Variants in EFCAB7 observed in about 807,000 individuals in gnomAD.
EFCAB7 encodes the protein EF-hand calcium binding domain 7.
In EFCAB7, 66 loss-of-function variants were observed where a neutral mutation model predicts 77.1. The ratio of observed to expected loss-of-function variants is 0.86; its 90% CI spans 0.70 to 1.05. The LOEUF is 1.05. Among genes scored for constraint, EFCAB7 ranks in the 50% least tolerant of loss-of-function variants. The pLI, the probability that EFCAB7 is intolerant of heterozygous loss-of-function variation, is 0.00. For missense variants in EFCAB7, 638 were observed against 730.5 expected, an observed-to-expected ratio of 0.87 and a Z score of 1.46; for synonymous variants, 225 against 243.3, an observed-to-expected ratio of 0.92 and a Z score of 0.70.
At chr1:63,537,591 A>C (rs938673328) in intron 6 of EFCAB7, among the ~76,000 whole-genome samples, 4 of 152,152 alleles carry the variant, frequency 2.6e-5, no homozygotes, top group Admixed American at 1.3e-4. Context: ...CACATTTTCA[A>C]AATGTTGATC....
intron 2 of EFCAB7, among the ~76,000 whole-genome samples, chr1:63,526,063 C>T (rs562669029): frequency 1.3e-5 from 2 of 152,118 alleles, no homozygotes; most frequent in South Asian, 2.1e-4. Context: ...AAAATTAAAA[C>T]GCTTTTGGCC....
chr1:63,578,176 G>A, the EFCAB7 span, among the ~76,000 whole-genome samples: 43 of 152,192 alleles, frequency 2.8e-4, no homozygotes, highest in Admixed American at 9.2e-4. Context: ...AGAGATAGGA[G>A]GGATTTAGAA....
chr1:63,557,000 T>C (rs1458006534), intron 9 of EFCAB7, 114 bp from the exon 10 acceptor site: 3 of 815,304 alleles, frequency 3.7e-6, no homozygotes, highest in Admixed American at 6.5e-5. Flanking sequence ...ATCACGCCAC[T>C]GCACTCCAGC....
chr1:63,546,811 TTGTC>T (rs1458611034), intron 7 of EFCAB7, among the ~76,000 whole-genome samples: 60 of 152,340 alleles, frequency 3.9e-4, no homozygotes, highest in Middle Eastern at 3.4e-3. Context: ...TCAAAACCCT[TTGTC>T]TGTGACTTAG....
the EFCAB7 span, among the ~76,000 whole-genome samples, chr1:63,582,496 C>A: frequency 2.4e-4 from 36 of 152,316 alleles, no homozygotes; most frequent in East Asian, 6.9e-3. Flanking sequence ...CTTTTCATCT[C>A]ATATTGGAAA....
the EFCAB7 span, among the ~76,000 whole-genome samples, chr1:63,581,253 G>A: frequency 6.6e-6 from 1 of 151,838 alleles, no homozygotes; most frequent in South Asian, 2.1e-4. Flanking sequence ...CTTCTCTTTA[G>A]TTTGCTGAGA....
Position 63,528,978 on chromosome 1 carries a change from A to C in EFCAB7, c.188-2842A>C, listed in dbSNP as rs116248722. Reference sequence around the variant, plus strand: ...ATTTTAGAGGCAAAAAAAAAATTACAACTTCATTTACATCTACTTGTATTC... The same window carrying C: ...ATTTTAGAGGCAAAAAAAAAATTACCACTTCATTTACATCTACTTGTATTC... On this transcript the variant is annotated intron_variant, in intron 2 of 13. Transcript: ENST00000371088. Among the ~76,000 whole-genome samples the C allele has an allele frequency of 3.9e-3, 597 of 152,220 alleles. 3 individuals carry two copies. The highest frequency in any genetic ancestry group is 0.014 in the African/African-American group (575 of 41,548).
chr1:63,575,018 C>G (rs573570755), downstream of EFCAB7, among the ~76,000 whole-genome samples: 57 of 152,140 alleles, frequency 3.7e-4, no homozygotes, highest in African/African-American at 1.2e-3. Flanking sequence ...TAAATTAAAA[C>G]TAGAAATATA....
intron 2 of EFCAB7, among the ~76,000 whole-genome samples, chr1:63,530,565 T>C (rs1249266622): frequency 6.6e-6 from 1 of 152,244 alleles, no homozygotes; most frequent in Non-Finnish European, 1.5e-5. Flanking sequence ...CATACATAAA[T>C]ATACAAAGCT....
chr1:63,572,729 CTTT>C, downstream of EFCAB7: 1 of 734,294 alleles, frequency 1.4e-6, no homozygotes, highest in Non-Finnish European at 1.7e-6. Flanking sequence ...AAATCTTTTT[CTTT>C]TTTTTTTTCT....
chr1:63,553,247 G>A (rs1646987381), intron 8 of EFCAB7, among the ~76,000 whole-genome samples: 1 of 152,202 alleles, frequency 6.6e-6, no homozygotes, highest in Admixed American at 6.5e-5. Context: ...TTAGGAAGCA[G>A]CAAGATCTGG....
At chr1:63,525,031 T>C (rs1646560378) in intron 1 of EFCAB7, among the ~76,000 whole-genome samples, 1 of 152,220 alleles carries the variant, frequency 6.6e-6, no homozygotes, top group African/African-American at 2.4e-5. Context: ...GATCCTGCTG[T>C]GGAAGATGGG....
intron 6 of EFCAB7, among the ~76,000 whole-genome samples, chr1:63,536,341 G>A (rs1646762946): frequency 6.6e-6 from 1 of 151,856 alleles, no homozygotes; most frequent in South Asian, 2.1e-4. Flanking sequence ...TTGTTATTCA[G>A]CAGCATTCAG....
rs1646784517 is a variant in EFCAB7 at position 63,538,121 on chromosome 1, T to C, written c.804+3905T>C. Among the ~76,000 whole-genome samples the C allele has an allele frequency of 2.0e-5, 3 of 152,202 alleles. No individual in the cohort carries two copies. The South Asian group carries it at 6.2e-4, about 31-fold the overall frequency. On this transcript the variant is annotated intron_variant, in intron 6 of 13. Coordinates refer to ENST00000371088, the MANE Select transcript of EFCAB7 (RefSeq NM_032437.4). Reference sequence around the variant, plus strand: ...AGTTCAGTTTGCACTTATATGAATTTACCTGAATTGGTAGAATACAGCACC... The same window carrying C: ...AGTTCAGTTTGCACTTATATGAATTCACCTGAATTGGTAGAATACAGCACC...
Position 63,546,035 on chromosome 1 carries a change from A to G in EFCAB7, c.924A>G (p.Pro308=), listed in dbSNP as rs1378655852. Residue 308 remains proline (P), a synonymous_variant, in exon 7 of 14, where the codon CCA becomes CCG. Transcript: ENST00000371088. Reference sequence around the variant, plus strand: ...CCATGGTTTATCTAACAATTAAGCCATTAAACCTGAGTCAAGTTGAAGGCA... The same window carrying G: ...CCATGGTTTATCTAACAATTAAGCCGTTAAACCTGAGTCAAGTTGAAGGCA... ...QRSMVYLTIK[P]LNLSQVEGKP... 6 of 1,609,858 alleles carry G rather than the reference A, an allele frequency of 3.7e-6. No individual in the cohort carries two copies. The African/African-American group carries it at 8.0e-5, about 22-fold the overall frequency.
chr1:63,547,206 T>TTG (rs1268216242), intron 7 of EFCAB7: 4 of 152,212 alleles, frequency 2.6e-5, no homozygotes, highest in African/African-American at 9.6e-5. Context: ...TTCAGTGTAG[T>TTG]TGTTAATTCT....
At chr1:63,534,650 C>T (rs953638533) in intron 6 of EFCAB7, among the ~76,000 whole-genome samples, 1 of 151,994 alleles carries the variant, frequency 6.6e-6, no homozygotes, top group Admixed American at 6.6e-5. Flanking sequence ...CTAGACTCAA[C>T]CTTTACTAGT....
chr1:63,529,782 T>G (rs754629464), intron 2 of EFCAB7: 5 of 152,162 alleles, frequency 3.3e-5, no homozygotes, highest in African/African-American at 4.8e-5. Context: ...TCACCCAGGC[T>G]GGAGCACAGT....
At chr1:63,558,196 T>G (rs1647053305) in intron 10 of EFCAB7, among the ~76,000 whole-genome samples, 2 of 152,288 alleles carry the variant, frequency 1.3e-5, no homozygotes, top group Admixed American at 1.3e-4. Context: ...AAGATGTAAT[T>G]ATCTTGTAAC....
Sources: gnomAD v4.1 joint callset for allele counts (sites outside exome capture counted in the v4.1 genomes callset) on GRCh38, gnomAD v4.1.1 for gene constraint, MANE v1.5 for transcripts, NCBI Gene and HGNC (gene_info 2026-07-23, HGNC 2026-07-21) for gene names.